Variants in IFT88 observed in about 807,000 individuals in gnomAD.
The protein encoded by IFT88 is intraflagellar transport protein 88 homolog.
A neutral mutation model predicts 119.5 loss-of-function variants in IFT88; 74 were observed. That is an observed-to-expected ratio of 0.62 (90% CI 0.51 to 0.75). The LOEUF is 0.75. Ranked by LOEUF, IFT88 falls within the 30% of genes least tolerant of loss-of-function variation. The pLI is 0.00. For synonymous variants in IFT88, 279 were observed against 316.7 expected, an observed-to-expected ratio of 0.88 and a Z score of 1.26; for missense variants, 961 against 977.7, an observed-to-expected ratio of 0.98 and a Z score of 0.23.
intron 3 of IFT88, among the ~76,000 whole-genome samples, chr13:20,587,912 A>G (rs1335415277): frequency 6.6e-6 from 1 of 150,554 alleles, no homozygotes; most frequent in Non-Finnish European, 1.5e-5. Context: ...TAGTCTAACA[A>G]TCTTATTATT....
In IFT88 at chr13:20,625,264, AG is replaced by A. The variant is rs564387069; in HGVS notation, c.1200-483del. Among the ~76,000 whole-genome samples, 12 of 152,330 alleles carry A rather than the reference AG, an allele frequency of 7.9e-5. No homozygotes were observed. The East Asian group carries it at 2.3e-3, about 29-fold the overall frequency. On this transcript the variant is annotated intron_variant, in intron 14 of 25. Coordinates refer to ENST00000351808, the MANE Select transcript of IFT88 (RefSeq NM_006531.5). ...AAATAATCCTTTTAGGGTTGTTGTG[AG>A]GGTTAAACGTATTAATGCTTGTAGA...
rs538178979 is a variant in IFT88, at chr13:20,614,409, T to A, written c.1113-1384T>A. 3 of 152,314 alleles carry A rather than the reference T, an allele frequency of 2.0e-5. No homozygotes were observed. In the East Asian group the frequency reaches 5.8e-4, roughly 29 times the overall value. 9.4% of individuals were successfully genotyped at this position (152,314 alleles called of 1,614,324 possible). ...CAACAAAAAGGAATGAATATTGATA[T>A]ACGCAACAAATTGGATAGATCTGAA... is the stretch of plus-strand genomic sequence containing the variant. On this transcript the variant is annotated intron_variant, in intron 13 of 25. Coordinates refer to ENST00000351808, the MANE Select transcript of IFT88 (RefSeq NM_006531.5).
chr13:20,617,729 G>A (rs753348224), intron 14 of IFT88, among the ~76,000 whole-genome samples: 4 of 152,126 alleles, frequency 2.6e-5, no homozygotes, highest in Admixed American at 2.6e-4. Flanking sequence ...CTGCTGAGTG[G>A]GTCATTACTG....
At chr13:20,674,714 A>ATGT (rs1566450108) in intron 24 of IFT88, among the ~76,000 whole-genome samples, 4 of 36,990 alleles carry the variant, frequency 1.1e-4, no homozygotes, top group African/African-American at 3.7e-4. Flanking sequence ...ATATATATAT[A>ATGT]TATATATATA....
At chr13:20,634,245 T>G (rs540501470) in intron 16 of IFT88, among the ~76,000 whole-genome samples, 151 of 152,190 alleles carry the variant, frequency 9.9e-4, no homozygotes, top group Non-Finnish European at 1.7e-3. Flanking sequence ...CCTGAATGAG[T>G]CGTACGTGAA....
chr13:20,666,229 A>G (rs1241387758), intron 23 of IFT88, among the ~76,000 whole-genome samples: 2 of 152,194 alleles, frequency 1.3e-5, no homozygotes, highest in Non-Finnish European at 2.9e-5. Context: ...TAAAATGAGG[A>G]TAGCGTTCTA....
At chr13:20,609,600 T>A (rs1253498244) in intron 13 of IFT88, among the ~76,000 whole-genome samples, 3 of 151,956 alleles carry the variant, frequency 2.0e-5, no homozygotes, top group African/African-American at 7.3e-5. Context: ...AAAAATTAGC[T>A]GGGCATGGTG....
intron 13 of IFT88, chr13:20,607,537 T>C: frequency 1.4e-6 from 1 of 707,942 alleles, no homozygotes; most frequent in Non-Finnish European, 2.6e-6. Context: ...CTGTGCTTCT[T>C]GTTTCAGAAC....
chr13:20,631,257 G>A (rs2048164526), intron 16 of IFT88, 155 bp downstream of exon 16: 3 of 574,740 alleles, frequency 5.2e-6, no homozygotes, highest in Admixed American at 5.6e-5. Flanking sequence ...ACAAGTGCCA[G>A]GCCAGGGGCT....
intron 2 of IFT88, among the ~76,000 whole-genome samples, chr13:20,576,973 A>G (rs2037506260): frequency 6.6e-6 from 1 of 152,192 alleles, no homozygotes; most frequent in Admixed American, 6.5e-5. Flanking sequence ...CATTTTAACA[A>G]TATTGGTTTT....
In IFT88 at chr13:20,574,458, C is replaced by A; in HGVS notation, c.73C>A (p.Pro25Thr). ...DLYSGYNDYN[P>T]IYDIEELEND... ...TTATTCCGGCTATAATGACTACAATCCAATCTATGATATCGAGGTAACAAA... is the reference window on the plus strand; with the variant it reads ...TTATTCCGGCTATAATGACTACAATACAATCTATGATATCGAGGTAACAAA... Residue 25 changes from proline (P) to threonine (T), a missense_variant, in exon 2 of 26, where the codon CCA (proline) becomes ACA (threonine). Pro to Thr is a conservative substitution (Grantham distance 38). Transcript: ENST00000351808. 1 of 1,597,992 alleles carries A rather than the reference C, an allele frequency of 6.3e-7. No homozygotes were observed.
intron 22 of IFT88, among the ~76,000 whole-genome samples, chr13:20,658,495 G>A (rs1224472424): frequency 6.6e-6 from 1 of 152,166 alleles, no homozygotes; most frequent in Non-Finnish European, 1.5e-5. Context: ...CTTTCTATGT[G>A]ATTCTTAATC....
At chr13:20,603,453 G>A (rs1408751477) in intron 12 of IFT88, among the ~76,000 whole-genome samples, 1 of 151,674 alleles carries the variant, frequency 6.6e-6, no homozygotes, top group Non-Finnish European at 1.5e-5. Context: ...GAAGCCAGAT[G>A]CCTTGGCTCT....
intron 22 of IFT88, among the ~76,000 whole-genome samples, chr13:20,662,244 A>G (rs1413480467): frequency 6.6e-6 from 1 of 152,088 alleles, no homozygotes; most frequent in Non-Finnish European, 1.5e-5. Context: ...CTTGTCTGTT[A>G]GAAGGAAGAC....
intron 21 of IFT88, 52 bp downstream of exon 21, chr13:20,653,980 A>G (rs763237819): frequency 1.9e-6 from 2 of 1,030,226 alleles, no homozygotes; most frequent in African/African-American, 3.2e-5. Flanking sequence ...CTTTCCTTTT[A>G]GGTAATTATG....
intron 16 of IFT88, among the ~76,000 whole-genome samples, chr13:20,633,104 T>C (rs1388983213): frequency 6.6e-6 from 1 of 152,240 alleles, no homozygotes; most frequent in Non-Finnish European, 1.5e-5. Flanking sequence ...TGTTTCTTTT[T>C]AAATATATTT....
rs774983378 is a variant in IFT88 at position 20,601,895 on chromosome 13, C to G, written c.1003C>G (p.Pro335Ala). ...GGCATTCCAAAAATTGATTACTGTT[C>G]CATTAGAAATTGATGAAGATAAATA... is the stretch of plus-strand genomic sequence containing the variant. ...KKAFQKLITV[P>A]LEIDEDKYIS... The change falls in exon 12 of 26, where the codon CCA (proline) becomes GCA (alanine). Residue 335 changes from proline (P) to alanine (A), a missense_variant. Physicochemically the swap from Pro to Ala is conservative, Grantham distance 27 (BLOSUM62 -1). Transcript: ENST00000351808. 5 of 1,604,656 alleles carry G rather than the reference C, an allele frequency of 3.1e-6. No homozygotes were observed. The African/African-American group carries it at 5.4e-5, about 17-fold the overall frequency.
chr13:20,591,079 C>T (rs1015061940), intron 5 of IFT88, 59 bp downstream of exon 5: 1 of 1,199,722 alleles, frequency 8.3e-7, no homozygotes, highest in Non-Finnish European at 1.2e-6. Context: ...AATTTACTAC[C>T]AAAGTTTTTT....
chr13:20,598,607 T>C (rs2042120846), intron 9 of IFT88, 44 bp from the exon 10 acceptor site: 1 of 1,194,726 alleles, frequency 8.4e-7, no homozygotes, highest in Non-Finnish European at 1.2e-6. Flanking sequence ...GAAAGGGGCC[T>C]AAAGTGGTCT....
Sources: allele counts gnomAD v4.1 joint callset (sites outside exome capture counted in the v4.1 genomes callset), GRCh38; gene constraint gnomAD v4.1.1; transcripts MANE v1.5; gene names NCBI Gene and HGNC (gene_info 2026-07-23, HGNC 2026-07-21).